ZNF892: variants seen among roughly 807,000 people sequenced by gnomAD.
The protein encoded by ZNF892 is zinc finger protein 892.
At chr2:95,244,139 GGCAGCATGCTCGTTAAGA>G in the ZNF892 span, among the ~76,000 whole-genome samples, 11 of 150,592 alleles carry the variant, frequency 7.3e-5, no homozygotes, top group Non-Finnish European at 1.0e-4. Context: ...GATGCTTGAA[GGCAGCATGCTCGTTAAGA>G]GTCATCACCA....
the ZNF892 span, among the ~76,000 whole-genome samples, chr2:95,208,029 C>T: frequency 1.3e-5 from 2 of 152,184 alleles, no homozygotes; most frequent in Non-Finnish European, 2.9e-5. Context: ...TGGATGCCTC[C>T]CTTGCTCAAG....
the ZNF892 span, among the ~76,000 whole-genome samples, chr2:95,255,487 C>T: frequency 1.4e-4 from 22 of 152,220 alleles, no homozygotes; most frequent in African/African-American, 4.3e-4. Flanking sequence ...CTGAGGAGTG[C>T]TTTACTTCCA....
the ZNF892 span, among the ~76,000 whole-genome samples, chr2:95,251,817 C>T: frequency 1.3e-5 from 2 of 152,322 alleles, no homozygotes; most frequent in East Asian, 1.9e-4. Context: ...AGGATTTTCC[C>T]CCTGTGACAA....
chr2:95,215,519 T>C, the ZNF892 span: 1 of 414,232 alleles, frequency 2.4e-6, no homozygotes, highest in East Asian at 3.5e-5. Flanking sequence ...AGAAAACTCA[T>C]GCTGGAGTGA....
the ZNF892 span, chr2:95,211,668 G>T: frequency 5.0e-6 from 2 of 398,532 alleles, no homozygotes; most frequent in African/African-American, 2.1e-5. Context: ...GGAGGCAGCT[G>T]AACTCTCCTC....
the ZNF892 span, among the ~76,000 whole-genome samples, chr2:95,210,638 TATTA>T: frequency 2.0e-5 from 3 of 152,224 alleles, no homozygotes; most frequent in South Asian, 4.1e-4. Flanking sequence ...AACTTGTTTC[TATTA>T]ATTCTTGTTC....
the ZNF892 span, chr2:95,211,496 C>T: frequency 2.5e-6 from 1 of 394,748 alleles, no homozygotes; most frequent in East Asian, 3.6e-5. Flanking sequence ...TGGCCAAGGC[C>T]ATGTTGTCTG....
the ZNF892 span, among the ~76,000 whole-genome samples, chr2:95,238,366 T>G: frequency 8.5e-5 from 13 of 152,350 alleles, no homozygotes; most frequent in Admixed American, 6.5e-5. Flanking sequence ...ACAGCACATC[T>G]GTTTATAGCA....
the ZNF892 span, among the ~76,000 whole-genome samples, chr2:95,251,094 G>A: frequency 6.6e-6 from 1 of 151,462 alleles, no homozygotes; most frequent in Non-Finnish European, 1.5e-5. Flanking sequence ...GTTCAGTAGA[G>A]CTCTTTTACA....
chr2:95,232,453 G>A, the ZNF892 span, among the ~76,000 whole-genome samples: 1 of 152,238 alleles, frequency 6.6e-6, no homozygotes, highest in African/African-American at 2.4e-5. Context: ...ATCCAGGCAG[G>A]GCGCCTGGGA....
At chr2:95,220,288 G>A in the ZNF892 span, among the ~76,000 whole-genome samples, 1 of 151,480 alleles carries the variant, frequency 6.6e-6, no homozygotes, top group Non-Finnish European at 1.5e-5. Context: ...AACATTTTCT[G>A]TCTTGCTAGG....
chr2:95,236,419 G>A, the ZNF892 span, among the ~76,000 whole-genome samples: 1 of 152,184 alleles, frequency 6.6e-6, no homozygotes, highest in East Asian at 1.9e-4. Context: ...AGACATTAAA[G>A]AATCACCAAT....
chr2:95,215,038 G>A, the ZNF892 span: 2 of 513,474 alleles, frequency 3.9e-6, no homozygotes, highest in Non-Finnish European at 7.1e-6. Context: ...CCTTATGAGT[G>A]TAATGAATGT....
chr2:95,245,605 TA>T, the ZNF892 span, among the ~76,000 whole-genome samples: 13 of 115,794 alleles, frequency 1.1e-4, no homozygotes, highest in Non-Finnish European at 2.0e-4. Context: ...AAAAAATTAA[TA>T]AAATAGGCTA....
the ZNF892 span, among the ~76,000 whole-genome samples, chr2:95,250,144 T>A: frequency 6.6e-5 from 10 of 152,130 alleles, no homozygotes; most frequent in African/African-American, 1.9e-4. Context: ...TTCTTTCCAA[T>A]GTTTTCTTCG....
chr2:95,224,622 A>G, the ZNF892 span, among the ~76,000 whole-genome samples: 3 of 152,180 alleles, frequency 2.0e-5, no homozygotes, highest in East Asian at 5.8e-4. Flanking sequence ...ATCTGCCCTC[A>G]TGATCCAATC....
the ZNF892 span, among the ~76,000 whole-genome samples, chr2:95,236,159 T>C: frequency 6.6e-6 from 1 of 152,220 alleles, no homozygotes; most frequent in South Asian, 2.1e-4. Flanking sequence ...GACATTCCAG[T>C]CAAAGCCTTG....
At chr2:95,216,919 G>A in the ZNF892 span, among the ~76,000 whole-genome samples, 75 of 152,230 alleles carry the variant, frequency 4.9e-4, 1 homozygote, top group East Asian at 0.011. Flanking sequence ...CTGAGGCTCT[G>A]TTCATTTTTT....
the ZNF892 span, among the ~76,000 whole-genome samples, chr2:95,223,897 C>A: frequency 6.6e-6 from 1 of 152,174 alleles, no homozygotes; most frequent in Non-Finnish European, 1.5e-5. Context: ...GCAATCCTAA[C>A]CCCTAAGGTG....
Sources: allele counts gnomAD v4.1 joint callset (sites outside exome capture counted in the v4.1 genomes callset), GRCh38; gene constraint gnomAD v4.1.1; transcripts MANE v1.5; gene names NCBI Gene and HGNC (gene_info 2026-07-23, HGNC 2026-07-21).